The following LRRC4C variants were observed in gnomAD, a reference collection of about 807,000 sequenced individuals.
The protein encoded by LRRC4C is leucine rich repeat containing 4C.
Under a neutral mutation model 33.6 loss-of-function variants are expected in LRRC4C, and 5 were observed. The observed-to-expected ratio is 0.15, with a 90% CI of 0.08 to 0.31. The LOEUF (loss-of-function observed/expected upper bound fraction) is 0.31. Among genes scored for constraint, LRRC4C ranks in the 10% least tolerant of loss-of-function variants. LRRC4C has a pLI of 1.00. For missense variants in LRRC4C, 560 were observed against 796.7 expected, an observed-to-expected ratio of 0.70 and a Z score of 3.58; for synonymous variants, 329 against 302.0, an observed-to-expected ratio of 1.09 and a Z score of -0.93.
At chr11:40,399,001 G>A (rs1173933964) in intron 3 of LRRC4C, among the ~76,000 whole-genome samples, 1 of 151,992 alleles carries the variant, frequency 6.6e-6, no homozygotes, top group East Asian at 1.9e-4. Context: ...GGTGAACAAA[G>A]GTTTTGTTCT....
Position 41,401,635 on chromosome 11 carries a change from C to T in LRRC4C, c.-496+57796G>A, listed in dbSNP as rs566090434. 5.1e-4 allele frequency among the ~76,000 whole-genome samples: 78 copies of T among 151,906 alleles called. 1 individual carries two copies. The highest frequency in any genetic ancestry group is 1.9e-3 in the East Asian group (10 of 5,148). ...AGTGGAGTAATAAATAATGTTTAAC[C>T]GGGAAGAGACCTGATTTTGAAAGAC... On this transcript the variant is annotated intron_variant, in intron 1 of 6. Transcript: ENST00000528697.
chr11:40,851,062 G>A (rs1953464737), intron 2 of LRRC4C, among the ~76,000 whole-genome samples: 1 of 152,298 alleles, frequency 6.6e-6, no homozygotes, highest in East Asian at 1.9e-4. Flanking sequence ...AGCTTGCTGA[G>A]CTCTGTGGCG....
chr11:40,928,218 G>A (rs1005823920), intron 2 of LRRC4C, among the ~76,000 whole-genome samples: 6 of 151,040 alleles, frequency 4.0e-5, no homozygotes, highest in Non-Finnish European at 8.9e-5. Flanking sequence ...CTAACCTAAC[G>A]TTTCTTTCAG....
In LRRC4C at chr11:41,089,967, A is replaced by G. The variant is rs920967254; in HGVS notation, c.-495-156244T>C. Among the ~76,000 whole-genome samples, 7 of 152,168 alleles carry G rather than the reference A, an allele frequency of 4.6e-5. No individual in the cohort carries two copies. The East Asian group carries it at 1.4e-3, about 29-fold the overall frequency. On this transcript the variant is annotated intron_variant, in intron 1 of 6. Transcript: ENST00000528697. ...TAATATATACAGTTATTTTCAAAGA[A>G]TAAGGTGATTGGAAACAATTTAATA... is the stretch of plus-strand genomic sequence containing the variant.
intron 1 of LRRC4C, among the ~76,000 whole-genome samples, chr11:41,413,108 G>C (rs1314080382): frequency 6.6e-6 from 1 of 151,786 alleles, no homozygotes; most frequent in Non-Finnish European, 1.5e-5. Flanking sequence ...ATTAGAGCAG[G>C]AAAGTTACAG....
intron 3 of LRRC4C, among the ~76,000 whole-genome samples, chr11:40,440,044 A>G (rs1246191585): frequency 6.6e-6 from 1 of 152,238 alleles, no homozygotes; most frequent in Admixed American, 6.5e-5. Flanking sequence ...AACAGTTGCA[A>G]TAGAGATAGT....
intron 3 of LRRC4C, among the ~76,000 whole-genome samples, chr11:40,612,177 G>A (rs1008315660): frequency 1.3e-5 from 2 of 151,780 alleles, no homozygotes; most frequent in East Asian, 3.9e-4. Flanking sequence ...AGAAAATGTG[G>A]TATATACATG....
chr11:40,473,546 A>G (rs1175576612), intron 3 of LRRC4C, among the ~76,000 whole-genome samples: 1 of 152,158 alleles, frequency 6.6e-6, no homozygotes, highest in East Asian at 1.9e-4. Context: ...CCGGCACAAG[A>G]CAAGGAAGCC....
intron 1 of LRRC4C, among the ~76,000 whole-genome samples, chr11:40,939,155 T>C (rs1302221405): frequency 1.3e-5 from 2 of 152,188 alleles, no homozygotes; most frequent in African/African-American, 4.8e-5. Context: ...GGCTATGGTG[T>C]AATACTAAAT....
In LRRC4C at chr11:40,478,689, C is replaced by T. The variant is rs974965091; in HGVS notation, c.-269-158968G>A. 1.3e-4 allele frequency among the ~76,000 whole-genome samples: 20 copies of T among 152,210 alleles called. 1 individual carries two copies. Among genetic ancestry groups the T allele is most frequent in the African/African-American group, 4.8e-4 (20 of 41,536 alleles). The stretch of plus-strand genomic sequence containing the variant: ...TAATTTTAAAGTTTACTTTGGGGCA[C>T]AGAGGAATCCAGTAAAAACCTATTC... On this transcript the variant is annotated intron_variant, in intron 3 of 6. Transcript: ENST00000528697.
At chr11:40,538,233 T>A (rs1956557219) in intron 3 of LRRC4C, among the ~76,000 whole-genome samples, 1 of 152,064 alleles carries the variant, frequency 6.6e-6, no homozygotes, top group South Asian at 2.1e-4. Context: ...GAGTAATTCT[T>A]TAAGCAGCAG....
At chr11:41,236,698 T>C (rs935671269) in intron 1 of LRRC4C, among the ~76,000 whole-genome samples, 4 of 152,134 alleles carry the variant, frequency 2.6e-5, no homozygotes, top group Admixed American at 2.0e-4. Flanking sequence ...TCTGGTGATA[T>C]TTGAAAAAAG....
At chr11:41,337,052 CT>C (rs1029770352) in intron 1 of LRRC4C, among the ~76,000 whole-genome samples, 28 of 148,392 alleles carry the variant, frequency 1.9e-4, no homozygotes, top group South Asian at 2.1e-4. Context: ...AATTCTTTTT[CT>C]TTTTTTTTTG....
intron 3 of LRRC4C, among the ~76,000 whole-genome samples, chr11:40,512,705 A>G (rs1424675498): frequency 6.6e-6 from 1 of 152,158 alleles, no homozygotes; most frequent in Non-Finnish European, 1.5e-5. Flanking sequence ...GAGCCACCTT[A>G]AAGATCAATC....
chr11:40,605,054 G>A (rs973268162), intron 3 of LRRC4C, among the ~76,000 whole-genome samples: 12 of 152,038 alleles, frequency 7.9e-5, no homozygotes, highest in Non-Finnish European at 1.5e-4. Context: ...AAAAGCAGCT[G>A]AAGTAAAAAA....
chr11:41,015,534 G>C (rs748301482), intron 1 of LRRC4C, among the ~76,000 whole-genome samples: 4 of 152,008 alleles, frequency 2.6e-5, no homozygotes, highest in Non-Finnish European at 5.9e-5. Context: ...GTCTGGTTTT[G>C]AACTCCTGAC....
chr11:41,066,461 G>A (rs1938246965), intron 1 of LRRC4C, among the ~76,000 whole-genome samples: 1 of 152,134 alleles, frequency 6.6e-6, no homozygotes, highest in Admixed American at 6.5e-5. Context: ...TGCAAGAGAT[G>A]GGGAGAATGG....
chr11:41,452,175 A>C (rs1162271836), intron 1 of LRRC4C, among the ~76,000 whole-genome samples: 1 of 152,084 alleles, frequency 6.6e-6, no homozygotes, highest in East Asian at 1.9e-4. Context: ...TTTTAATTCC[A>C]ATCATATGGT....
intron 1 of LRRC4C, among the ~76,000 whole-genome samples, chr11:41,061,246 G>T (rs531925193): frequency 6.6e-6 from 1 of 152,250 alleles, no homozygotes; most frequent in Admixed American, 6.5e-5. Flanking sequence ...GAATAGGAAT[G>T]GGATTAGGAA....
Sources: gnomAD v4.1 joint callset for allele counts (sites outside exome capture counted in the v4.1 genomes callset) on GRCh38, gnomAD v4.1.1 for gene constraint, MANE v1.5 for transcripts, NCBI Gene and HGNC (gene_info 2026-07-23, HGNC 2026-07-21) for gene names.